The following CA6 variants were observed in gnomAD, a reference collection of about 807,000 sequenced individuals.
CA6 encodes carbonate dehydratase VI.
Under a neutral mutation model 35.9 loss-of-function variants are expected in CA6, and 28 were observed. That is an observed-to-expected ratio of 0.78 (90% confidence interval 0.58 to 1.07). The LOEUF is 1.07. CA6 is among the 50% of genes least tolerant of loss of function. The pLI, the probability that CA6 is intolerant of heterozygous loss-of-function variation, is 0.00. For synonymous variants in CA6, 148 were observed against 152.6 expected (o/e 0.97, Z 0.22); for missense variants, 377 against 382.0 (o/e 0.99, Z 0.11).
At chr1:8,964,769 G>A (rs752084642) in intron 5 of CA6, among the ~76,000 whole-genome samples, 8 of 152,056 alleles carry the variant, frequency 5.3e-5, no homozygotes, top group Non-Finnish European at 1.2e-4. Flanking sequence ...CCACGGAGCC[G>A]GAGTGACGGT....
Position 8,958,984 on chromosome 1 carries a change from A to T in CA6, c.483A>T (p.Val161=). ...AAGATGCGCCGGATGGTTTGGCTGT[A>T]CTGGCAGCCTTCGTTGAGGTAAGCA... ...IAQDAPDGLA[V]LAAFVEVKNY... The change falls in exon 4 of 8, where the codon GTA becomes GTT. Residue 161 remains valine (V), a synonymous_variant. Coordinates refer to ENST00000377443, the MANE Select transcript of CA6 (RefSeq NM_001215.4). The T allele has an allele frequency of 4.3e-6, 7 of 1,610,192 alleles. No homozygotes were observed. Among genetic ancestry groups the T allele is most frequent in the Non-Finnish European group, 5.9e-6 (7 of 1,176,484 alleles).
At chr1:8,972,630 C>T (rs1640139398) in intron 7 of CA6, among the ~76,000 whole-genome samples, 1 of 152,002 alleles carries the variant, frequency 6.6e-6, no homozygotes, top group South Asian at 2.1e-4. Flanking sequence ...TTGCAGTGAG[C>T]CGAGATTGCG....
intron 2 of CA6, among the ~76,000 whole-genome samples, chr1:8,955,430 C>G (rs1369701574): frequency 2.0e-5 from 3 of 152,120 alleles, no homozygotes; most frequent in Admixed American, 2.0e-4. Flanking sequence ...TGGCTCTTTT[C>G]CAATTGGGCC....
At chr1:8,969,590 C>A (rs982037566) in intron 6 of CA6, among the ~76,000 whole-genome samples, 1 of 152,004 alleles carries the variant, frequency 6.6e-6, no homozygotes, top group African/African-American at 2.4e-5. Context: ...GATACCAAGT[C>A]ATATATTCAA....
At position 8,946,794 on chromosome 1, in the gene CA6, T is replaced by G. The variant is rs532983038; in HGVS notation, c.79+829T>G. On this transcript the variant is annotated intron_variant, in intron 1 of 7. Transcript: ENST00000377443. Reference sequence around the variant, plus strand: ...CTGTGGGCTGCCAAAATGAGAGGTGTTTTTTTTTTTGTTTTTTTTTTTTTT... The same window carrying G: ...CTGTGGGCTGCCAAAATGAGAGGTGGTTTTTTTTTTGTTTTTTTTTTTTTT... Among the ~76,000 whole-genome samples the G allele has an allele frequency of 3.4e-3, 438 of 130,690 alleles. 6 individuals carry two copies. The highest frequency in any genetic ancestry group is 0.013 in the African/African-American group (418 of 33,126). 85.7% of individuals were successfully genotyped at this position (130,690 alleles called of 152,430 possible). A position where few individuals can be genotyped will look rare whatever the true frequency, so the allele number is the denominator to read the frequency against.
rs868621242 is a variant in CA6, at chr1:8,957,259, G to A, written c.382G>A (p.Val128Met). ...SSEISGSEHTVDGIRHVIEIH... is the reference protein window; with the variant it reads ...SSEISGSEHTMDGIRHVIEIH... ...GGAGATCAGCGGCTCTGAGCACACC[G>A]TGGACGGGATCAGACATGTGATCGA... is the stretch of plus-strand genomic sequence containing the variant. The change falls in exon 3 of 8, where the codon GTG (valine) becomes ATG (methionine). Residue 128 changes from valine (V) to methionine (M), a missense_variant. Val to Met is a conservative substitution (Grantham distance 21). Transcript: ENST00000377443. 6.2e-6 allele frequency: 10 copies of A among 1,613,732 alleles called. No homozygotes were observed. The East Asian group carries it at 1.3e-4, about 22-fold the overall frequency.
chr1:8,970,503 T>C (rs1257279336), intron 6 of CA6, among the ~76,000 whole-genome samples: 1 of 152,010 alleles, frequency 6.6e-6, no homozygotes, highest in African/African-American at 2.4e-5. Flanking sequence ...AGTTGTTAAT[T>C]CTTTTTTATT....
chr1:8,955,545 T>A (rs1454933606), intron 2 of CA6, among the ~76,000 whole-genome samples: 1 of 142,170 alleles, frequency 7.0e-6, no homozygotes, highest in Non-Finnish European at 1.6e-5. Flanking sequence ...TGGTGCTTAC[T>A]GTCCATTTAG....
rs2124175335 is a variant in CA6 at position 8,963,431 on chromosome 1, C to A, written c.571+775C>A. 6.6e-6 allele frequency among the ~76,000 whole-genome samples: 1 copy of A among 152,306 alleles called. No individual in the cohort carries two copies. Among genetic ancestry groups the A allele is most frequent in the Non-Finnish European group, 1.5e-5 (1 of 68,036 alleles). ...TCCACCCCTCCACAAACTCACCTGG[C>A]AAATCTCCAGACCAACTCTGGAGTT... On this transcript the variant is annotated intron_variant, in intron 5 of 7. Coordinates refer to ENST00000377443, the MANE Select transcript of CA6 (RefSeq NM_001215.4). This position sits in a 1 kb window ranked among gnomAD's most constrained non-coding sequence, Gnocchi z 4.1.
Position 8,949,364 on chromosome 1 carries a change from C to A in CA6, c.181C>A (p.Pro61Thr), listed in dbSNP as rs1202340548. 6 of 1,613,342 alleles carry A rather than the reference C, an allele frequency of 3.7e-6. No homozygotes were observed. The highest frequency in any genetic ancestry group is 5.1e-6 in the Non-Finnish European group (6 of 1,179,672). ...NLQRTKVRYN[P>T]SLKGLNMTGY... ...ACAGAGGACGAAGGTGCGGTACAAC[C>A]CCTCCTTGAAGGGGCTCAATATGAC... Residue 61 changes from proline to threonine, a missense_variant, in exon 2 of 8, where the codon CCC (proline) becomes ACC (threonine). Physicochemically the swap from Pro to Thr is conservative, Grantham distance 38. Coordinates refer to ENST00000377443, the MANE Select transcript of CA6 (RefSeq NM_001215.4).
chr1:8,951,283 T>A, intron 2 of CA6: 1 of 572,554 alleles, frequency 1.7e-6, no homozygotes, highest in African/African-American at 1.9e-5. Flanking sequence ...AAGTAGCAAA[T>A]TGGAGAATGA....
At chr1:8,955,433 A>G (rs1016578556) in intron 2 of CA6, among the ~76,000 whole-genome samples, 1 of 152,090 alleles carries the variant, frequency 6.6e-6, no homozygotes, top group Non-Finnish European at 1.5e-5. Flanking sequence ...CTCTTTTCCA[A>G]TTGGGCCTGT....
chr1:8,960,835 G>A (rs979253373), intron 4 of CA6, among the ~76,000 whole-genome samples: 2 of 145,402 alleles, frequency 1.4e-5, no homozygotes, highest in Admixed American at 7.0e-5. Context: ...AGAGAAAGTG[G>A]AAGAAAAACA....
chr1:8,961,975 C>G (rs1296661726), intron 4 of CA6, among the ~76,000 whole-genome samples: 1 of 152,184 alleles, frequency 6.6e-6, no homozygotes, highest in Non-Finnish European at 1.5e-5. Context: ...TGCGGTGGCT[C>G]ACGCCTGTAA....
At chr1:8,953,756 A>T (rs1024735711) in intron 2 of CA6, among the ~76,000 whole-genome samples, 1 of 152,046 alleles carries the variant, frequency 6.6e-6, no homozygotes, top group Admixed American at 6.6e-5. Context: ...AACCAGAGTG[A>T]CCCCATCTTG....
At chr1:8,969,909 C>T (rs1640062617) in intron 6 of CA6, among the ~76,000 whole-genome samples, 1 of 152,008 alleles carries the variant, frequency 6.6e-6, no homozygotes, top group Admixed American at 6.6e-5. Flanking sequence ...AGGATATAGA[C>T]AAAATACAGA....
At chr1:8,967,963 CTTTTTTTTT>C (rs34107058) in intron 6 of CA6, 147 bp downstream of exon 6, 1 of 296,752 alleles carries the variant, frequency 3.4e-6, no homozygotes, top group Admixed American at 6.8e-5. Flanking sequence ...TCTAGCCAAC[CTTTTTTTTT>C]TTTTTTTTTT....
intron 1 of CA6, among the ~76,000 whole-genome samples, chr1:8,948,780 G>C: frequency 6.6e-6 from 1 of 152,040 alleles, no homozygotes; most frequent in African/African-American, 2.4e-5. Flanking sequence ...GATCAGCCTG[G>C]CCAACATGGT....
At chr1:8,964,497 C>T (rs1639921712) in intron 5 of CA6, among the ~76,000 whole-genome samples, 1 of 152,296 alleles carries the variant, frequency 6.6e-6, no homozygotes, top group African/African-American at 2.4e-5. Context: ...CTACCCGCCT[C>T]GGCCTCCCAA....
Sources: gnomAD v4.1 joint callset for allele counts (sites outside exome capture counted in the v4.1 genomes callset) on GRCh38, gnomAD v4.1.1 for gene constraint, Gnocchi (gnomAD v3.1) non-coding constraint, MANE v1.5 for transcripts, NCBI Gene and HGNC (gene_info 2026-07-23, HGNC 2026-07-21) for gene names.